The following PCDHGA3 variants were observed in gnomAD, a reference collection of about 807,000 sequenced individuals.
PCDHGA3 encodes protocadherin gamma subfamily A, 3, also known as protocadherin gamma-A3.
In PCDHGA3, 40 loss-of-function variants were observed where a neutral mutation model predicts 58.5. The ratio of observed to expected loss-of-function variants is 0.68; its 90% confidence interval spans 0.53 to 0.89. The LOEUF is 0.89. PCDHGA3 is among the 40% of genes least tolerant of loss of function. PCDHGA3 has a pLI of 0.00. For missense variants in PCDHGA3, 1,223 were observed against 1,195.9 expected, an observed-to-expected ratio of 1.02 and a Z score of -0.33; for synonymous variants, 530 against 525.7, an observed-to-expected ratio of 1.01 and a Z score of -0.11.
intron 3 of PCDHGA3, among the ~76,000 whole-genome samples, chr5:141,508,649 C>T (rs1303066200): frequency 6.6e-6 from 1 of 152,126 alleles, no homozygotes; most frequent in Non-Finnish European, 1.5e-5. Flanking sequence ...CCGTCAGGCC[C>T]TTCCTGTCAT....
intron 1 of PCDHGA3, chr5:141,409,290 G>T: frequency 6.2e-7 from 1 of 1,613,974 alleles, no homozygotes; most frequent in Non-Finnish European, 8.5e-7. Flanking sequence ...TCACCTCCAG[G>T]AATGGTTGTT....
chr5:141,427,193 CTT>C (rs2096998045), intron 1 of PCDHGA3: 3 of 456,614 alleles, frequency 6.6e-6, no homozygotes, highest in Non-Finnish European at 8.8e-6. Context: ...AATCCAAAGA[CTT>C]AATAGACTTC....
At chr5:141,474,888 G>T (rs1349812637) in intron 1 of PCDHGA3, among the ~76,000 whole-genome samples, 1 of 152,176 alleles carries the variant, frequency 6.6e-6, no homozygotes, top group Non-Finnish European at 1.5e-5. Context: ...ACTCTTAGAG[G>T]TTCATTTCTT....
At chr5:141,440,593 T>C (rs1456640262) in intron 1 of PCDHGA3, 1 of 152,202 alleles carries the variant, frequency 6.6e-6, no homozygotes, top group African/African-American at 2.4e-5. Context: ...TGGAACAAGA[T>C]TTGCAACAGA....
At chr5:141,355,864 C>A in intron 1 of PCDHGA3, 6 of 1,612,570 alleles carry the variant, frequency 3.7e-6, no homozygotes, top group South Asian at 3.3e-5. Flanking sequence ...TGACCCGGTT[C>A]GCTCTGGCAC....
At chr5:141,372,985 G>A (rs1018239187) in intron 1 of PCDHGA3, 2 of 639,950 alleles carry the variant, frequency 3.1e-6, no homozygotes, top group Non-Finnish European at 5.2e-6. Context: ...TATCTGTGTT[G>A]CAGTTGTTCT....
At chr5:141,384,579 C>T (rs746315101) in intron 1 of PCDHGA3, 13 of 1,614,128 alleles carry the variant, frequency 8.1e-6, no homozygotes, top group African/African-American at 8.0e-5. Flanking sequence ...ACAACCCGCC[C>T]GAGATCCTGT....
At chr5:141,428,407 T>C in intron 1 of PCDHGA3, 1 of 470,350 alleles carries the variant, frequency 2.1e-6, no homozygotes, top group South Asian at 2.0e-5. Context: ...CTGGGGTTGC[T>C]TTCACCCTGG....
In PCDHGA3 at chr5:141,485,079, A is replaced by C; in HGVS notation, c.2425-9728A>C. ...AACCGCGCCAGAGCTGGCGCGGGGA[A>C]AGGGAGATAGGTGTCTCCAGCTGCT... is the stretch of plus-strand genomic sequence containing the variant. On this transcript the variant is annotated intron_variant, in intron 1 of 3. Transcript: ENST00000253812. This position sits in a 1 kb window ranked among gnomAD's most constrained non-coding sequence, Gnocchi z 5.7. 1 of 949,456 alleles carries C rather than the reference A, an allele frequency of 1.1e-6. No individual in the cohort carries two copies. The highest frequency in any genetic ancestry group is 1.6e-6 in the Non-Finnish European group (1 of 614,758). 58.8% of individuals were successfully genotyped at this position (949,456 alleles called of 1,614,324 possible).
intron 1 of PCDHGA3, chr5:141,361,032 A>G: frequency 6.2e-7 from 1 of 1,613,436 alleles, no homozygotes. Flanking sequence ...AAAAAACAGG[A>G]GAAATCACGA....
At chr5:141,371,918 C>G in intron 1 of PCDHGA3, 7 of 1,613,372 alleles carry the variant, frequency 4.3e-6, no homozygotes, top group Non-Finnish European at 5.1e-6. Context: ...TGTCCGTGAG[C>G]GCGCGGAGCG....
chr5:141,384,281 T>A, intron 1 of PCDHGA3: 2 of 1,613,774 alleles, frequency 1.2e-6, no homozygotes, highest in Non-Finnish European at 1.7e-6. Flanking sequence ...TCAGTCTACA[T>A]CGCTGAGAAC....
chr5:141,357,279 C>T lies in PCDHGA3; in HGVS notation c.2424+10822C>T, dbSNP rs139727169. 6.8e-6 allele frequency: 11 copies of T among 1,613,878 alleles called. No individual in the cohort carries two copies. The East Asian group carries it at 2.2e-4, about 33-fold the overall frequency. ...ACGACTCGGGCCTCACACTCTATCT[C>T]GTGGTGGCAGTGGCCGCTGTCTCCT... On this transcript the variant is annotated intron_variant, in intron 1 of 3. Coordinates refer to ENST00000253812, the MANE Select transcript of PCDHGA3 (RefSeq NM_018916.4).
chr5:141,353,416 C>T (rs1048151831), intron 1 of PCDHGA3, among the ~76,000 whole-genome samples: 1 of 152,076 alleles, frequency 6.6e-6, no homozygotes, highest in African/African-American at 2.4e-5. Flanking sequence ...TCATCAATTA[C>T]ATTCTAGTTT....
chr5:141,384,504 T>C (rs941539151), intron 1 of PCDHGA3: 1 of 1,614,048 alleles, frequency 6.2e-7, no homozygotes, highest in African/African-American at 1.3e-5. Context: ...TGACTGCACA[T>C]GACAGCGGGG....
At position 141,432,781 on chromosome 5, in the gene PCDHGA3, C is replaced by T. The variant is rs761954375; in HGVS notation, c.2425-62026C>T. On this transcript the variant is annotated intron_variant, in intron 1 of 3. Coordinates refer to ENST00000253812, the MANE Select transcript of PCDHGA3 (RefSeq NM_018916.4). This position sits in a 1 kb window ranked among gnomAD's most constrained non-coding sequence, Gnocchi z 6.0. ...ACAGCATCCCCCAAGTCCTGGCGGA[C>T]CTCGGCAGCCTCGAGTCTCCAGCTA... The T allele has an allele frequency of 3.1e-6, 5 of 1,614,064 alleles. No homozygotes were observed. The Admixed American group carries it at 8.3e-5, about 27-fold the overall frequency.
intron 1 of PCDHGA3, among the ~76,000 whole-genome samples, chr5:141,473,915 A>G (rs1366378437): frequency 3.3e-5 from 5 of 152,162 alleles, no homozygotes; most frequent in Non-Finnish European, 5.9e-5. Flanking sequence ...GTCTTAAGAA[A>G]ACTATGAGCT....
At chr5:141,464,279 C>CA (rs373828487) in intron 1 of PCDHGA3, among the ~76,000 whole-genome samples, 31,576 of 137,520 alleles carry the variant, frequency 0.23, 3,494 homozygotes, top group African/African-American at 0.28. Context: ...AAAAAAAAAG[C>CA]AAAAAAAAAA....
intron 1 of PCDHGA3, among the ~76,000 whole-genome samples, chr5:141,483,658 G>C (rs906346163): frequency 1.4e-4 from 22 of 152,028 alleles, no homozygotes; most frequent in Non-Finnish European, 2.4e-4. Context: ...TTGTGTGTGT[G>C]TGTGTGTGTG....
Sources: gnomAD v4.1 joint callset for allele counts (sites outside exome capture counted in the v4.1 genomes callset) on GRCh38, gnomAD v4.1.1 for gene constraint, Gnocchi (gnomAD v3.1) non-coding constraint, MANE v1.5 for transcripts, NCBI Gene and HGNC (gene_info 2026-07-23, HGNC 2026-07-21) for gene names.